The following PRKCA variants were observed in gnomAD, a reference collection of about 807,000 sequenced individuals.
PRKCA encodes protein kinase C alpha, also known as protein kinase C alpha type.
Under a neutral mutation model 87.0 loss-of-function variants are expected in PRKCA, and 27 were observed. That is an observed-to-expected ratio of 0.31 (90% CI 0.23 to 0.43). PRKCA has a LOEUF of 0.43. Among genes scored for constraint, PRKCA ranks in the 20% least tolerant of loss-of-function variants. The probability of loss-of-function intolerance (pLI) is 1.00; values close to 1 mark genes in which losing one functional copy is unlikely to be tolerated. For synonymous variants in PRKCA, 329 were observed against 311.1 expected, an observed-to-expected ratio of 1.06 and a Z score of -0.61; for missense variants, 518 against 852.3, an observed-to-expected ratio of 0.61 and a Z score of 4.88.
At chr17:66,303,053 C>G in intron 1 of PRKCA, 29 bp downstream of exon 1, 2 of 1,585,778 alleles carry the variant, frequency 1.3e-6, no homozygotes, top group Non-Finnish European at 8.6e-7. Context: ...ACTCCTGCCC[C>G]GCTCCTCCCC....
chr17:66,655,660 A>G (rs932518392), intron 5 of PRKCA, among the ~76,000 whole-genome samples: 3 of 152,126 alleles, frequency 2.0e-5, no homozygotes, highest in Non-Finnish European at 4.4e-5. Context: ...TATCTCCTGT[A>G]CCCAGCCCAG....
intron 13 of PRKCA, among the ~76,000 whole-genome samples, chr17:66,763,977 A>G (rs1226897063): frequency 6.6e-6 from 1 of 152,176 alleles, no homozygotes; most frequent in Non-Finnish European, 1.5e-5. Flanking sequence ...CTGGGCGAGT[A>G]CCCACCATAG....
At chr17:66,630,924 C>T (rs1970993601) in intron 3 of PRKCA, among the ~76,000 whole-genome samples, 2 of 152,210 alleles carry the variant, frequency 1.3e-5, no homozygotes, top group Admixed American at 6.5e-5. Flanking sequence ...TTTGCTGTCC[C>T]CTTCTGGGGA....
At chr17:66,641,511 C>G in intron 4 of PRKCA, 45 bp downstream of exon 4, 1 of 1,441,898 alleles carries the variant, frequency 6.9e-7, no homozygotes, top group Non-Finnish European at 9.7e-7. Flanking sequence ...CTCTGTAGCT[C>G]ATGCTCAGGG....
At chr17:66,676,048 C>T (rs369888511) in intron 5 of PRKCA, among the ~76,000 whole-genome samples, 1 of 152,152 alleles carries the variant, frequency 6.6e-6, no homozygotes, top group Non-Finnish European at 1.5e-5. Context: ...GTCACTCCAC[C>T]AGTTTCCCAA....
chr17:66,580,020 C>T (rs8075979), intron 3 of PRKCA, among the ~76,000 whole-genome samples: 86,647 of 151,868 alleles, frequency 0.57, 25,722 homozygotes, highest in African/African-American at 0.74. Context: ...GGAGATGTCT[C>T]GGCATCTCTC....
intron 5 of PRKCA, among the ~76,000 whole-genome samples, chr17:66,650,088 C>G (rs534954972): frequency 1.3e-5 from 2 of 152,302 alleles, no homozygotes; most frequent in Non-Finnish European, 2.9e-5. Context: ...TGCACTTAAA[C>G]CTGAACCCTG....
intron 2 of PRKCA, among the ~76,000 whole-genome samples, chr17:66,378,677 A>G (rs1053246527): frequency 1.3e-5 from 2 of 152,112 alleles, no homozygotes; most frequent in Non-Finnish European, 2.9e-5. Context: ...AGGCGGGCAA[A>G]TCATTGAGGC....
At chr17:66,374,719 C>CTTTTTTTTTTTTT (rs35431248) in intron 2 of PRKCA, among the ~76,000 whole-genome samples, 5 of 115,826 alleles carry the variant, frequency 4.3e-5, no homozygotes, top group African/African-American at 6.6e-5. Context: ...GAGTTGCATT[C>CTTTTTTTTTTTTT]TTTTTTTTTT....
At chr17:66,351,504 G>A (rs1343183100) in intron 2 of PRKCA, among the ~76,000 whole-genome samples, 1 of 152,148 alleles carries the variant, frequency 6.6e-6, no homozygotes, top group African/African-American at 2.4e-5. Context: ...GGGAGAGTGA[G>A]TACTAATACC....
chr17:66,395,343 CTT>C (rs1418381953), intron 2 of PRKCA, among the ~76,000 whole-genome samples: 1 of 152,184 alleles, frequency 6.6e-6, no homozygotes, highest in Admixed American at 6.5e-5. Flanking sequence ...GGGAAACTAA[CTT>C]AATGTAACTT....
intron 3 of PRKCA, among the ~76,000 whole-genome samples, chr17:66,546,338 G>C (rs1343600466): frequency 2.6e-5 from 4 of 152,086 alleles, no homozygotes; most frequent in Non-Finnish European, 5.9e-5. Flanking sequence ...AGTTTCTAAG[G>C]CTGCCATAAC....
intron 2 of PRKCA, among the ~76,000 whole-genome samples, chr17:66,317,004 C>T (rs920979098): frequency 7.2e-5 from 11 of 151,752 alleles, no homozygotes; most frequent in Non-Finnish European, 1.3e-4. Flanking sequence ...TAGCTGGGCG[C>T]GGTGGCGGGC....
intron 13 of PRKCA, among the ~76,000 whole-genome samples, chr17:66,754,725 A>C (rs1974510811): frequency 6.6e-6 from 1 of 152,126 alleles, no homozygotes; most frequent in Non-Finnish European, 1.5e-5. Flanking sequence ...CGGTGGGCCA[A>C]GTCGATTAGA....
chr17:66,404,157 A>G (rs748017682), intron 2 of PRKCA: 39 of 152,358 alleles, frequency 2.6e-4, no homozygotes, highest in Admixed American at 5.9e-4. Context: ...ACAGAAAACT[A>G]CAATTCCTGG....
At chr17:66,393,983 G>A (rs1207218061) in intron 2 of PRKCA, among the ~76,000 whole-genome samples, 1 of 152,054 alleles carries the variant, frequency 6.6e-6, no homozygotes, top group Non-Finnish European at 1.5e-5. Flanking sequence ...ACTGAGGCAC[G>A]AGAATCGCTC....
chr17:66,667,756 G>C (rs1460191830), intron 5 of PRKCA, among the ~76,000 whole-genome samples: 1 of 152,204 alleles, frequency 6.6e-6, no homozygotes, highest in African/African-American at 2.4e-5. Flanking sequence ...TGTGAAGTGA[G>C]TGGCCAAGAG....
chr17:66,311,170 C>A (rs1010299627), intron 2 of PRKCA, among the ~76,000 whole-genome samples: 2 of 152,042 alleles, frequency 1.3e-5, no homozygotes, highest in African/African-American at 4.8e-5. Flanking sequence ...AGGTTTAGTT[C>A]CAAAAAGATA....
intron 3 of PRKCA, among the ~76,000 whole-genome samples, chr17:66,595,534 A>G (rs919476684): frequency 7.1e-6 from 1 of 140,512 alleles, no homozygotes; most frequent in Non-Finnish European, 1.5e-5. Flanking sequence ...ATCTCGGCTC[A>G]CTGCAAGCTC....
Sources: allele counts gnomAD v4.1 joint callset (sites outside exome capture counted in the v4.1 genomes callset), GRCh38; gene constraint gnomAD v4.1.1; transcripts MANE v1.5; gene names NCBI Gene and HGNC (gene_info 2026-07-23, HGNC 2026-07-21).